Variants in DPY19L2 observed in about 807,000 individuals in gnomAD.
The protein encoded by DPY19L2 is dpy-19 like 2.
A neutral mutation model predicts 97.9 loss-of-function variants in DPY19L2; 34 were observed. The ratio of observed to expected loss-of-function variants is 0.35; its 90% CI spans 0.26 to 0.46. The LOEUF (loss-of-function observed/expected upper bound fraction) is 0.46, where lower values mean the gene tolerates loss of function less well. Among genes scored for constraint, DPY19L2 ranks in the 20% least tolerant of loss-of-function variants. The pLI is 1.00. For synonymous variants in DPY19L2, 230 were observed against 307.9 expected, an observed-to-expected ratio of 0.75 and a Z score of 2.65; for missense variants, 623 against 911.4, an observed-to-expected ratio of 0.68 and a Z score of 4.07.
In DPY19L2 at chr12:63,668,308, C is replaced by G; in HGVS notation, c.86G>C (p.Arg29Pro). The part of the protein sequence containing the change: ...SKGRRGASLA[R>P]EPEVEEEMEK... ...CATCTCCTCCTCTACCTCCGGCTCC[C>G]GGGCGAGGGAGGCCCCGCGCCGCCC... The change falls in exon 1 of 22, where the codon CGG becomes CCG. Residue 29 changes from arginine (R) to proline (P), a missense_variant. Transcript: ENST00000324472. 6.2e-7 allele frequency: 1 copy of G among 1,613,954 alleles called. No individual in the cohort carries two copies. Among genetic ancestry groups the G allele is most frequent in the Non-Finnish European group, 8.5e-7 (1 of 1,179,918 alleles).
intron 4 of DPY19L2, among the ~76,000 whole-genome samples, chr12:63,650,718 A>G (rs1437534090): frequency 1.3e-5 from 2 of 152,202 alleles, no homozygotes; most frequent in African/African-American, 4.8e-5. Context: ...AAAACATTCT[A>G]TGCTCATGAA....
intron 16 of DPY19L2, chr12:63,584,141 T>C (rs1881392046): frequency 3.2e-6 from 1 of 308,572 alleles, no homozygotes; most frequent in Non-Finnish European, 6.1e-6. Context: ...TGACCTTCTA[T>C]TCAACCTATA....
chr12:63,647,881 C>T (rs1201028655), intron 4 of DPY19L2, among the ~76,000 whole-genome samples: 1 of 152,048 alleles, frequency 6.6e-6, no homozygotes, highest in African/African-American at 2.4e-5. Flanking sequence ...TCTCTTTGTG[C>T]CTCATTTTCT....
chr12:63,593,332 C>T (rs192113381), intron 16 of DPY19L2, among the ~76,000 whole-genome samples: 4,236 of 152,248 alleles, frequency 0.028, 224 homozygotes, highest in African/African-American at 0.096. Context: ...TATAAAGACA[C>T]TTGCACACGT....
intron 9 of DPY19L2, among the ~76,000 whole-genome samples, chr12:63,618,722 G>A (rs1350823492): frequency 3.9e-5 from 6 of 152,016 alleles, no homozygotes; most frequent in Non-Finnish European, 7.4e-5. Flanking sequence ...ACCCATCTAC[G>A]GATCATCTCA....
intron 11 of DPY19L2, among the ~76,000 whole-genome samples, chr12:63,610,862 A>AAAAAAAAAAAAAAC: frequency 9.7e-6 from 1 of 103,104 alleles, no homozygotes; most frequent in Non-Finnish European, 2.1e-5. Flanking sequence ...AAAAAAAAAA[A>AAAAAAAAAAAAAAC]AAAAAAAAAA....
intron 6 of DPY19L2, among the ~76,000 whole-genome samples, chr12:63,642,355 T>G (rs903259429): frequency 4.6e-5 from 7 of 152,282 alleles, no homozygotes; most frequent in African/African-American, 1.7e-4. Context: ...TTTATTAGTT[T>G]TTCTTCATGA....
chr12:63,590,728 C>T (rs996619925), intron 16 of DPY19L2, among the ~76,000 whole-genome samples: 9 of 151,980 alleles, frequency 5.9e-5, no homozygotes, highest in African/African-American at 2.2e-4. Context: ...ACAATCAGCA[C>T]CCAGGGGAGC....
At chr12:63,643,885 G>T (rs907830163) in intron 6 of DPY19L2, among the ~76,000 whole-genome samples, 4 of 152,138 alleles carry the variant, frequency 2.6e-5, no homozygotes, top group African/African-American at 9.7e-5. Flanking sequence ...ATCTCAGGGA[G>T]CAATTAAGTG....
chr12:63,661,212 T>A, intron 4 of DPY19L2, 132 bp downstream of exon 4: 1 of 858,672 alleles, frequency 1.2e-6, no homozygotes, highest in South Asian at 3.3e-5. Context: ...GATATTCTAC[T>A]CAACTATAAG....
Position 63,597,821 on chromosome 12 carries a change from G to A in DPY19L2, c.1449C>T (p.Phe483=). The change falls in exon 14 of 22, where the codon TTC becomes TTT. Residue 483 remains phenylalanine, a synonymous_variant. Transcript: ENST00000324472. ...GAAACATTCATACCGCTTTTTCCAT[G>A]AAGTCAAATTCGGGAGCACAGGTAT... ...LIYTCAPEFD[F]MEKATPLRYT... is the part of the protein sequence containing the mutation. 1 of 1,607,616 alleles carries A rather than the reference G, an allele frequency of 6.2e-7. No homozygotes were observed. Among genetic ancestry groups the A allele is most frequent in the East Asian group, 2.2e-5 (1 of 44,632 alleles).
intron 11 of DPY19L2, among the ~76,000 whole-genome samples, chr12:63,616,368 A>G (rs1887825658): frequency 6.6e-6 from 1 of 152,184 alleles, no homozygotes; most frequent in Non-Finnish European, 1.5e-5. Context: ...AAGAAAGAGC[A>G]TTTTTTCTGG....
At chr12:63,580,308 T>C (rs1020350343) in intron 19 of DPY19L2, among the ~76,000 whole-genome samples, 23 of 152,170 alleles carry the variant, frequency 1.5e-4, no homozygotes, top group African/African-American at 5.1e-4. Flanking sequence ...TGAAATTTCA[T>C]TTTTAAAGAC....
chr12:63,633,998 T>G (rs1170180855), intron 6 of DPY19L2, among the ~76,000 whole-genome samples: 2 of 151,312 alleles, frequency 1.3e-5, no homozygotes, highest in African/African-American at 2.4e-5. Context: ...TCACTCATAG[T>G]TGGGAATTGA....
rs1896578797 is a variant in DPY19L2 at position 63,668,309 on chromosome 12, G to T, written c.85C>A (p.Arg29=). 1.9e-6 allele frequency: 3 copies of T among 1,613,782 alleles called. No individual in the cohort carries two copies. The highest frequency in any genetic ancestry group is 1.3e-5 in the African/African-American group (1 of 74,886). The part of the protein sequence containing the change: ...SKGRRGASLA[R]EPEVEEEMEK... ...ATCTCCTCCTCTACCTCCGGCTCCC[G>T]GGCGAGGGAGGCCCCGCGCCGCCCC... The change falls in exon 1 of 22, where the codon CGG becomes AGG. Residue 29 remains arginine, a synonymous_variant. Coordinates refer to ENST00000324472, the MANE Select transcript of DPY19L2 (RefSeq NM_173812.5).
intron 19 of DPY19L2, among the ~76,000 whole-genome samples, chr12:63,571,460 T>C (rs549049809): frequency 6.6e-6 from 1 of 152,056 alleles, no homozygotes; most frequent in Non-Finnish European, 1.5e-5. Flanking sequence ...CAGACACACA[T>C]GAAACAAAAA....
chr12:63,649,531 G>T (rs1489800122), intron 4 of DPY19L2, among the ~76,000 whole-genome samples: 1 of 152,084 alleles, frequency 6.6e-6, no homozygotes, highest in African/African-American at 2.4e-5. Context: ...AAAAAACTCT[G>T]AGAGACTATT....
chr12:63,595,693 C>T (rs557657903), intron 15 of DPY19L2, among the ~76,000 whole-genome samples: 67 of 152,062 alleles, frequency 4.4e-4, no homozygotes, highest in South Asian at 8.3e-4. Context: ...AAGACAGGAG[C>T]GGCCAGGTTT....
chr12:63,636,192 A>G (rs1475640258), intron 6 of DPY19L2, among the ~76,000 whole-genome samples: 2 of 152,316 alleles, frequency 1.3e-5, no homozygotes, highest in African/African-American at 4.8e-5. Flanking sequence ...TCATAAGTGA[A>G]GGAGAAATAA....
Sources: gnomAD v4.1 joint callset for allele counts (sites outside exome capture counted in the v4.1 genomes callset) on GRCh38, gnomAD v4.1.1 for gene constraint, MANE v1.5 for transcripts, NCBI Gene and HGNC (gene_info 2026-07-23, HGNC 2026-07-21) for gene names.